ZBTB8A: variants seen among roughly 807,000 people sequenced by gnomAD.
ZBTB8A encodes zinc finger and BTB domain-containing protein 8A.
ZBTB8A carries 19 observed loss-of-function variants against 37.8 expected under a neutral mutation model. The observed-to-expected ratio is 0.50, with a 90% CI of 0.35 to 0.74. ZBTB8A has a LOEUF of 0.74. ZBTB8A is among the 30% of genes least tolerant of loss of function. The pLI is 0.01. For synonymous variants in ZBTB8A, 181 were observed against 185.2 expected (o/e 0.98, Z 0.19); for missense variants, 394 against 537.8 (o/e 0.73, Z 2.65).
chr1:32,565,481 G>A (rs958283737), intron 2 of ZBTB8A, among the ~76,000 whole-genome samples: 6 of 151,968 alleles, frequency 3.9e-5, no homozygotes, highest in East Asian at 1.9e-4. Context: ...TAGCAAGACC[G>A]TGTCTCTACA....
intron 1 of ZBTB8A, among the ~76,000 whole-genome samples, chr1:32,544,540 T>TA (rs1385222664): frequency 6.6e-6 from 1 of 152,102 alleles, no homozygotes; most frequent in African/African-American, 2.4e-5. Context: ...CCACTAAAAG[T>TA]ACAAAAATTA....
At chr1:32,548,324 T>TTTTTTG (rs996051014) in intron 1 of ZBTB8A, among the ~76,000 whole-genome samples, 20 of 151,764 alleles carry the variant, frequency 1.3e-4, no homozygotes, top group East Asian at 3.9e-4. Flanking sequence ...TGTATCCACA[T>TTTTTTG]TTTTTGTTTT....
chr1:32,557,663 C>T (rs1644213262), intron 2 of ZBTB8A, among the ~76,000 whole-genome samples: 1 of 152,056 alleles, frequency 6.6e-6, no homozygotes, highest in Non-Finnish European at 1.5e-5. Context: ...TGAGGTTTCA[C>T]CATGTTGCCC....
intron 2 of ZBTB8A, among the ~76,000 whole-genome samples, chr1:32,563,687 G>A (rs912287420): frequency 5.9e-5 from 9 of 152,054 alleles, no homozygotes; most frequent in African/African-American, 2.2e-4. Flanking sequence ...TGGCCAGGCT[G>A]GTCTCGAACT....
chr1:32,547,579 C>A (rs543160726), intron 1 of ZBTB8A, among the ~76,000 whole-genome samples: 1 of 141,700 alleles, frequency 7.1e-6, no homozygotes, highest in African/African-American at 2.6e-5. Context: ...AGATCTCATT[C>A]TCAGGCCACT....
At chr1:32,563,591 T>C (rs1644259245) in intron 2 of ZBTB8A, among the ~76,000 whole-genome samples, 1 of 152,132 alleles carries the variant, frequency 6.6e-6, no homozygotes. Flanking sequence ...ACCTCCCAAG[T>C]AGCTGGTATT....
intron 2 of ZBTB8A, among the ~76,000 whole-genome samples, chr1:32,553,821 G>A (rs1164270693): frequency 6.6e-6 from 1 of 150,638 alleles, no homozygotes; most frequent in African/African-American, 2.4e-5. Flanking sequence ...GGGAGGTGGA[G>A]GTTGCGGTGA....
intron 2 of ZBTB8A, among the ~76,000 whole-genome samples, chr1:32,586,333 A>G (rs190618619): frequency 6.6e-6 from 1 of 152,150 alleles, no homozygotes; most frequent in Non-Finnish European, 1.5e-5. Context: ...AAAAAGAACT[A>G]TTTCCTTATG....
rs1644612172 is a variant in ZBTB8A at position 32,605,688 on chromosome 1, G to C, written c.*5269G>C. On this transcript the variant is annotated 3_prime_UTR_variant, in exon 5 of 5. Coordinates refer to ENST00000373510, the MANE Select transcript of ZBTB8A (RefSeq NM_001040441.3). ...CTACTGCACTCCAGGCTGGGTGACA[G>C]AGCGAGACTCCACCTCAAAAAAAAA... 8.6e-6 allele frequency: 1 copy of C among 116,584 alleles called. No homozygotes were observed. Among genetic ancestry groups the C allele is most frequent in the Admixed American group, 1.2e-4 (1 of 8,612 alleles). The allele number at this position is 116,584 out of a possible 1,614,324, so 7.2% of individuals were successfully genotyped here. A position where few individuals can be genotyped will look rare whatever the true frequency, so the allele number is the denominator to read the frequency against.
chr1:32,563,538 G>T (rs886128628), intron 2 of ZBTB8A, among the ~76,000 whole-genome samples: 9 of 151,898 alleles, frequency 5.9e-5, no homozygotes, highest in African/African-American at 2.2e-4. Context: ...TCTCAGCTCA[G>T]TGCAGCCTCC....
intron 2 of ZBTB8A, among the ~76,000 whole-genome samples, chr1:32,559,452 A>G (rs917067868): frequency 4.0e-5 from 6 of 150,368 alleles, no homozygotes; most frequent in African/African-American, 1.5e-4. Flanking sequence ...CCTCAAGGTG[A>G]CAGTATTTTT....
At chr1:32,598,442 G>A (rs1413563655) in intron 4 of ZBTB8A, among the ~76,000 whole-genome samples, 1 of 151,332 alleles carries the variant, frequency 6.6e-6, no homozygotes, top group African/African-American at 2.4e-5. Flanking sequence ...TTACCATATT[G>A]GCCAGGCTGA....
At chr1:32,559,260 C>T (rs1036974056) in intron 2 of ZBTB8A, among the ~76,000 whole-genome samples, 4 of 151,748 alleles carry the variant, frequency 2.6e-5, no homozygotes, top group African/African-American at 4.8e-5. Context: ...TACAGGCACC[C>T]GCCACCACAC....
chr1:32,545,140 TTATC>T (rs1258990789), intron 1 of ZBTB8A, among the ~76,000 whole-genome samples: 34 of 152,300 alleles, frequency 2.2e-4, no homozygotes, highest in African/African-American at 8.2e-4. Flanking sequence ...AGGTTCTTAC[TTATC>T]TATACTCTGG....
intron 2 of ZBTB8A, among the ~76,000 whole-genome samples, chr1:32,575,926 C>T (rs1235231275): frequency 6.6e-6 from 1 of 152,124 alleles, no homozygotes; most frequent in South Asian, 2.1e-4. Context: ...GGCTTATTAA[C>T]TTAATCTCTG....
At chr1:32,592,827 C>A in intron 2 of ZBTB8A, 104 bp from the exon 3 acceptor site, 1 of 938,004 alleles carries the variant, frequency 1.1e-6, no homozygotes, top group Non-Finnish European at 1.6e-6. Flanking sequence ...TTTGATCACA[C>A]CACTGCACTG....
chr1:32,589,632 C>T (rs1190523282), intron 2 of ZBTB8A, among the ~76,000 whole-genome samples: 3 of 151,888 alleles, frequency 2.0e-5, no homozygotes, highest in African/African-American at 7.3e-5. Flanking sequence ...TCACTACAGC[C>T]TCCACCTCTG....
Position 32,605,548 on chromosome 1 carries a change from T to TA in ZBTB8A, c.*5130dup, listed in dbSNP as rs1644610959. On this transcript the variant is annotated 3_prime_UTR_variant, in exon 5 of 5. Transcript: ENST00000373510. ...AGTGAAACCCCTTCTCTACTAAAAA[T>TA]ACAAAAATTAGCCAGGCATGGTGGT... The TA allele has an allele frequency of 6.6e-6, 1 of 150,778 alleles. No individual in the cohort carries two copies. The highest frequency in any genetic ancestry group is 2.1e-4 in the South Asian group (1 of 4,762). The allele number at this position is 150,778 out of a possible 1,614,324, so 9.3% of individuals were successfully genotyped here.
intron 2 of ZBTB8A, among the ~76,000 whole-genome samples, chr1:32,574,683 T>TAC (rs1399495143): frequency 2.0e-5 from 3 of 152,190 alleles, no homozygotes; most frequent in African/African-American, 7.2e-5. Flanking sequence ...GTTTGCTGTG[T>TAC]ACTTAAAAAG....
Sources: gnomAD v4.1 joint callset for allele counts (sites outside exome capture counted in the v4.1 genomes callset) on GRCh38, gnomAD v4.1.1 for gene constraint, MANE v1.5 for transcripts, NCBI Gene and HGNC (gene_info 2026-07-23, HGNC 2026-07-21) for gene names.